The following ARHGAP33 variants were observed in gnomAD, a reference collection of about 807,000 sequenced individuals.
ARHGAP33 encodes rho GTPase-activating protein 33.
A neutral mutation model predicts 126.2 loss-of-function variants in ARHGAP33; 57 were observed. The observed-to-expected ratio is 0.45, with a 90% CI of 0.36 to 0.56. The LOEUF is 0.56. Ranked by LOEUF, ARHGAP33 falls within the 20% of genes least tolerant of loss-of-function variation. ARHGAP33 has a pLI of 0.00. For synonymous variants in ARHGAP33, 711 were observed against 755.0 expected (o/e 0.94, Z 0.95); for missense variants, 1,500 against 1,748.3 (o/e 0.86, Z 2.53).
intron 10 of ARHGAP33, 51 bp downstream of exon 10, chr19:35,780,867 G>C: frequency 6.2e-7 from 1 of 1,612,788 alleles, no homozygotes; most frequent in Non-Finnish European, 8.5e-7. Context: ...CAGGCCCCTG[G>C]CCATGCTGAC....
In ARHGAP33 at chr19:35,777,887, C is replaced by T. The variant is rs753466383; in HGVS notation, c.168C>T (p.Asn56=). Residue 56 remains asparagine (N), a synonymous_variant, in exon 3 of 21, where the codon AAC becomes AAT. Coordinates refer to ENST00000007510, the MANE Select transcript of ARHGAP33 (RefSeq NM_001366178.1). ...LADCAHFHYE[N]VDFGHIQLLL... ...ACTGCGCCCATTTCCACTACGAGAA[C>T]GTTGACTTTGGCCACATTCAGGTAT... 2.6e-5 allele frequency: 42 copies of T among 1,614,222 alleles called. No individual in the cohort carries two copies. The highest frequency in any genetic ancestry group is 5.5e-5 in the South Asian group (5 of 91,090).
chr19:35,775,690 C>T, intron 1 of ARHGAP33, 26 bp downstream of exon 1: 3 of 1,537,754 alleles, frequency 2.0e-6, no homozygotes, highest in Non-Finnish European at 2.6e-6. Context: ...GGCCGTCAGC[C>T]TGTCCGTCCG....
rs1971688751 is a variant in ARHGAP33, at chr19:35,780,351, C to A, written c.624+18C>A. ...CCTTTGAGGTGAGGCTGTGGGGAAGCAGATTCCAGCTGGGCTCCCCACACC... is the reference window on the plus strand; with the variant it reads ...CCTTTGAGGTGAGGCTGTGGGGAAGAAGATTCCAGCTGGGCTCCCCACACC... On this transcript the variant is annotated intron_variant, in intron 7 of 20. Coordinates refer to ENST00000007510, the MANE Select transcript of ARHGAP33 (RefSeq NM_001366178.1). 1 of 1,613,032 alleles carries A rather than the reference C, an allele frequency of 6.2e-7. No homozygotes were observed. The highest frequency in any genetic ancestry group is 1.7e-5 in the Admixed American group (1 of 59,976).
At chr19:35,778,656 G>A in intron 5 of ARHGAP33, 55 bp downstream of exon 5, 1 of 1,572,060 alleles carries the variant, frequency 6.4e-7, no homozygotes, top group Non-Finnish European at 8.6e-7. Flanking sequence ...CATCCACAGT[G>A]TGAAATCATC....
chr19:35,784,549 C>G (rs1196804824), intron 16 of ARHGAP33: 1 of 1,318,188 alleles, frequency 7.6e-7, no homozygotes, highest in Admixed American at 3.9e-5. Context: ...TCCTTCACCC[C>G]TTGTAGCTCC....
At chr19:35,775,731 C>T (rs891442887) in intron 1 of ARHGAP33, 67 bp downstream of exon 1, 3 of 1,427,226 alleles carry the variant, frequency 2.1e-6, no homozygotes, top group Non-Finnish European at 2.8e-6. Context: ...CAGCCCCGCC[C>T]CGCGCGCCCC....
rs776111468 is a variant in ARHGAP33, at chr19:35,788,005, CT to C, written c.3441del (p.Asp1148ThrfsTer25). The C allele has an allele frequency of 1.3e-6, 2 of 1,599,774 alleles. No individual in the cohort carries two copies. Among genetic ancestry groups the C allele is most frequent in the East Asian group, 2.3e-5 (1 of 44,104 alleles). ...CCGCCAGCCCCCTCCTGCTTTCCCC[CT>C]GACCACCTTGGCTACTCAGCCCCCC... Reference protein sequence around the residue: ...SYPPAPSCFPPDHLGYSAPQH... With the variant: ...SYPPAPSCFPXDHLGYSAPQH... On this transcript the variant is annotated frameshift_variant, in exon 21 of 21. Coordinates refer to ENST00000007510, the MANE Select transcript of ARHGAP33 (RefSeq NM_001366178.1). LOFTEE classifies it high-confidence loss of function.
intron 1 of ARHGAP33, 99 bp downstream of exon 1, chr19:35,775,763 C>G: frequency 7.9e-7 from 1 of 1,271,194 alleles, no homozygotes; most frequent in Middle Eastern, 2.7e-4. Context: ...CGCCCGATCC[C>G]GCGGCCTGTG....
At chr19:35,778,990 C>A in intron 5 of ARHGAP33, 42 bp from the exon 6 acceptor site, 1 of 1,485,732 alleles carries the variant, frequency 6.7e-7, no homozygotes, top group South Asian at 1.2e-5. Flanking sequence ...TGGGCTCTCT[C>A]ACGTCCACTC....
intron 12 of ARHGAP33, among the ~76,000 whole-genome samples, chr19:35,781,676 C>T (rs1036811232): frequency 4.0e-5 from 6 of 151,586 alleles, no homozygotes; most frequent in African/African-American, 9.7e-5. Context: ...CCACCTCATG[C>T]GAGGGTCTGG....
chr19:35,784,037 A>T, intron 15 of ARHGAP33, 135 bp from the exon 16 acceptor site: 2 of 673,316 alleles, frequency 3.0e-6, no homozygotes, highest in Non-Finnish European at 4.9e-6. Flanking sequence ...TTGAGAGCCC[A>T]GCGAGGCGTG....
chr19:35,779,055 G>A lies in ARHGAP33; in HGVS notation c.432G>A (p.Gln144=). ...AGATGCTGGTGCCACTGCTGCTGCA[G>A]TACCTGGAGACACTGTCAGGACTGG... ...AAQMLVPLLL[Q]YLETLSGLVD... Residue 144 remains glutamine (Q), a synonymous_variant, in exon 6 of 21, where the codon CAG becomes CAA. Coordinates refer to ENST00000007510, the MANE Select transcript of ARHGAP33 (RefSeq NM_001366178.1). 1 of 1,550,904 alleles carries A rather than the reference G, an allele frequency of 6.4e-7. No individual in the cohort carries two copies. The highest frequency in any genetic ancestry group is 2.4e-5 in the East Asian group (1 of 40,914).
At chr19:35,776,294 T>C (rs1971456826) in intron 1 of ARHGAP33, among the ~76,000 whole-genome samples, 1 of 151,558 alleles carries the variant, frequency 6.6e-6, no homozygotes, top group African/African-American at 2.4e-5. Flanking sequence ...CTCCATCTCC[T>C]TGTCCTCATC....
At position 35,786,762 on chromosome 19, in the gene ARHGAP33, CG is replaced by C; in HGVS notation, c.2293del (p.Ala765ProfsTer10). 1.3e-6 allele frequency: 2 copies of C among 1,517,088 alleles called. No homozygotes were observed. Among genetic ancestry groups the C allele is most frequent in the Non-Finnish European group, 1.8e-6 (2 of 1,136,534 alleles). The allele number at this position is 1,517,088 out of a possible 1,614,324, so 94.0% of individuals were successfully genotyped here. A position where few individuals can be genotyped will look rare whatever the true frequency, so the allele number is the denominator to read the frequency against. Reference protein sequence around the residue: ...PAPPASPAPPAPASAFPPRVT... With the variant: ...PAPPASPAPPXPASAFPPRVT... ...CACCTCCCGCCAGCCCAGCACCCCCCGCCCCTGCCTCTGCCTTCCCACCCAG... is the reference window on the plus strand; with the variant it reads ...CACCTCCCGCCAGCCCAGCACCCCCCCCCCTGCCTCTGCCTTCCCACCCAG... On this transcript the variant is annotated frameshift_variant, in exon 20 of 21. Transcript: ENST00000007510. LOFTEE classifies it high-confidence loss of function. The surrounding 1 kb of genome is among the most constrained non-coding windows in gnomAD (Gnocchi z 7.0).
chr19:35,777,844 C>G lies in ARHGAP33; in HGVS notation c.125C>G (p.Pro42Arg). The G allele has an allele frequency of 6.2e-7, 1 of 1,614,212 alleles. No homozygotes were observed. The highest frequency in any genetic ancestry group is 2.2e-5 in the East Asian group (1 of 44,886). Residue 42 changes from proline to arginine, a missense_variant, in exon 3 of 21, where the codon CCC becomes CGC. Pro to Arg is a moderately radical substitution (Grantham distance 103). This residue lies in a region of ARHGAP33 where 129 missense variants were observed against 145.9 expected (regional missense o/e 0.88). Coordinates refer to ENST00000007510, the MANE Select transcript of ARHGAP33 (RefSeq NM_001366178.1). Reference protein sequence around the residue: ...PGKRLSAPRGPFPRLADCAHF... With the variant: ...PGKRLSAPRGRFPRLADCAHF... ...CCCAGGCTCTCAGCTCCTCGAGGCC[C>G]CTTCCCGCGGCTGGCTGACTGCGCC... is the stretch of plus-strand genomic sequence containing the variant.
At position 35,785,268 on chromosome 19, in the gene ARHGAP33, C is replaced by T. The variant is rs1972050788; in HGVS notation, c.1801C>T (p.Pro601Ser). The T allele has an allele frequency of 6.3e-7, 1 of 1,597,474 alleles. No individual in the cohort carries two copies. The highest frequency in any genetic ancestry group is 8.5e-7 in the Non-Finnish European group (1 of 1,171,710). ...GACGTTCTTTGCACTGGGCCGGGGC[C>T]CCAGTGTCCCTCGAAAGAAGCCCCT... ...WKTFFALGRG[P>S]SVPRKKPLPW... Residue 601 changes from proline to serine, a missense_variant, in exon 18 of 21, where the codon CCC (proline) becomes TCC (serine). Transcript: ENST00000007510.
chr19:35,778,464 G>T lies in ARHGAP33; in HGVS notation c.271G>T (p.Gly91Cys). 6.2e-7 allele frequency: 1 copy of T among 1,614,172 alleles called. No homozygotes were observed. The highest frequency in any genetic ancestry group is 1.1e-5 in the South Asian group (1 of 91,082). ...LVFGVQVTCQGRSWPVLRSYD... is the reference protein window; with the variant it reads ...LVFGVQVTCQCRSWPVLRSYD... ...CCCTTCTGTCCCTCTGCTCCCACAG[G>T]GCCGTTCCTGGCCGGTTCTCCGGAG... The change falls in exon 5 of 21, where the codon GGC becomes TGC. Residue 91 changes from glycine (G) to cysteine (C), a missense_variant and splice_region_variant. Coordinates refer to ENST00000007510, the MANE Select transcript of ARHGAP33 (RefSeq NM_001366178.1).
At position 35,787,871 on chromosome 19, in the gene ARHGAP33, C is replaced by T; in HGVS notation, c.3306C>T (p.Arg1102=). 6.2e-7 allele frequency: 1 copy of T among 1,610,078 alleles called. No homozygotes were observed. Among genetic ancestry groups the T allele is most frequent in the African/African-American group, 1.3e-5 (1 of 74,782 alleles). ...SEGSPYSGPT[R]SWSPFRSMPP... ...GGTCCCCCTATTCTGGCCCCACCCG[C>T]TCCTGGAGTCCCTTTCGCTCCATGC... The change falls in exon 21 of 21, where the codon CGC becomes CGT. Residue 1102 remains arginine, a synonymous_variant. Coordinates refer to ENST00000007510, the MANE Select transcript of ARHGAP33 (RefSeq NM_001366178.1).
Position 35,781,188 on chromosome 19 carries a change from G to A in ARHGAP33, c.1021G>A (p.Ala341Thr). Residue 341 changes from alanine to threonine, a missense_variant, in exon 12 of 21, where the codon GCC (alanine) becomes ACC (threonine). Ala to Thr is a moderately conservative substitution (Grantham distance 58). This residue lies in a region of ARHGAP33 where 281 missense variants were observed against 413.7 expected (regional missense o/e 0.68). Coordinates refer to ENST00000007510, the MANE Select transcript of ARHGAP33 (RefSeq NM_001366178.1). ...VLRCCSEFIE[A>T]HGVVDGIYRL... ...GCGCTGCTGCTCCGAGTTCATTGAG[G>A]CCCACGGGGTGGTGGATGGGATCTA... 6.2e-7 allele frequency: 1 copy of A among 1,613,968 alleles called. No homozygotes were observed. The highest frequency in any genetic ancestry group is 8.5e-7 in the Non-Finnish European group (1 of 1,179,976).
Sources: allele counts gnomAD v4.1 joint callset (sites outside exome capture counted in the v4.1 genomes callset), GRCh38; gene constraint gnomAD v4.1.1; regional missense constraint gnomAD v4.1.1; non-coding constraint Gnocchi (gnomAD v3.1); transcripts MANE v1.5; gene names NCBI Gene and HGNC (gene_info 2026-07-23, HGNC 2026-07-21).